CCSER1: variants seen among roughly 807,000 people sequenced by gnomAD.
The protein encoded by CCSER1 is coiled-coil serine rich protein 1.
CCSER1 carries 41 observed loss-of-function variants against 82.0 expected under a neutral mutation model. The observed-to-expected ratio is 0.50, with a 90% CI of 0.39 to 0.65. CCSER1 has a LOEUF of 0.65. CCSER1 is among the 30% of genes least tolerant of loss of function. The probability of loss-of-function intolerance (pLI) is 0.00; values close to 1 mark genes in which losing one functional copy is unlikely to be tolerated. For missense variants in CCSER1, 1,119 were observed against 1,064.2 expected, an observed-to-expected ratio of 1.05 and a Z score of -0.72; for synonymous variants, 414 against 383.9, an observed-to-expected ratio of 1.08 and a Z score of -0.92.
chr4:91,112,148 A>G (rs1399948109), intron 10 of CCSER1, among the ~76,000 whole-genome samples: 5 of 152,206 alleles, frequency 3.3e-5, no homozygotes, highest in Non-Finnish European at 7.4e-5. Context: ...TTCCAAAGCC[A>G]TGTTTGTGGT....
At chr4:91,379,088 C>T (rs1467522761) in intron 10 of CCSER1, among the ~76,000 whole-genome samples, 1 of 152,108 alleles carries the variant, frequency 6.6e-6, no homozygotes, top group East Asian at 1.9e-4. Context: ...GCCTTGCATC[C>T]CAGGGATGAA....
intron 10 of CCSER1, among the ~76,000 whole-genome samples, chr4:91,285,372 T>A (rs1246855366): frequency 6.6e-6 from 1 of 151,712 alleles, no homozygotes; most frequent in East Asian, 1.9e-4. Flanking sequence ...ACTAGAGATT[T>A]GGGGAACTGT....
At chr4:91,494,786 T>C (rs1014348054) in intron 10 of CCSER1, among the ~76,000 whole-genome samples, 1 of 151,810 alleles carries the variant, frequency 6.6e-6, no homozygotes, top group African/African-American at 2.4e-5. Context: ...CTAATCTTTA[T>C]AAAAACAGAT....
At chr4:90,476,021 C>G (rs532543600) in intron 5 of CCSER1, among the ~76,000 whole-genome samples, 70 of 148,494 alleles carry the variant, frequency 4.7e-4, no homozygotes, top group African/African-American at 1.5e-3. Flanking sequence ...CTTCTTTTCT[C>G]GTGTGTGTGT....
chr4:90,450,461 C>A (rs529640311), intron 4 of CCSER1, among the ~76,000 whole-genome samples: 1 of 152,086 alleles, frequency 6.6e-6, no homozygotes. Flanking sequence ...GACAAAGATG[C>A]CTTATGGTGA....
intron 1 of CCSER1, among the ~76,000 whole-genome samples, chr4:90,157,918 G>A (rs537699565): frequency 5.9e-5 from 9 of 152,328 alleles, no homozygotes; most frequent in Non-Finnish European, 1.2e-4. Flanking sequence ...TGCTGGTGAG[G>A]AACTATGTTC....
At chr4:90,438,493 A>C (rs1759372389) in intron 4 of CCSER1, among the ~76,000 whole-genome samples, 3 of 152,186 alleles carry the variant, frequency 2.0e-5, no homozygotes, top group Non-Finnish European at 2.9e-5. Flanking sequence ...GATTTACCAA[A>C]AAAACAAAAC....
At chr4:90,567,710 G>T (rs1779577588) in intron 5 of CCSER1, among the ~76,000 whole-genome samples, 1 of 150,862 alleles carries the variant, frequency 6.6e-6, no homozygotes, top group South Asian at 2.1e-4. Flanking sequence ...GGGCATAGGT[G>T]ATCCTCCCAC....
intron 10 of CCSER1, among the ~76,000 whole-genome samples, chr4:91,504,796 A>G (rs935821321): frequency 4.6e-5 from 7 of 152,192 alleles, no homozygotes; most frequent in African/African-American, 1.4e-4. Flanking sequence ...TAAAATGCTA[A>G]CAGTCAAAAT....
chr4:91,551,167 T>C (rs1303103426), intron 10 of CCSER1, among the ~76,000 whole-genome samples: 1 of 152,092 alleles, frequency 6.6e-6, no homozygotes, highest in Non-Finnish European at 1.5e-5. Context: ...ATGTATATAT[T>C]TGAGGTAAAA....
Position 91,602,591 on chromosome 4 carries a change from A to ACTT in CCSER1, c.*3535_*3537dup, listed in dbSNP as rs1267511811. 6.6e-6 allele frequency among the ~76,000 whole-genome samples: 1 copy of ACTT among 152,048 alleles called. No individual in the cohort carries two copies. The highest frequency in any genetic ancestry group is 1.5e-5 in the Non-Finnish European group (1 of 67,940). On this transcript the variant is annotated 3_prime_UTR_variant, in exon 11 of 11. Coordinates refer to ENST00000509176, the MANE Select transcript of CCSER1 (RefSeq NM_001145065.2). ...CCCATAGCAGTGGATAATTTGGAAT[A>ACTT]CTTAGCATAATCTCATAATTATAAT...
chr4:90,594,120 T>G (rs1783023015), intron 5 of CCSER1, among the ~76,000 whole-genome samples: 1 of 151,930 alleles, frequency 6.6e-6, no homozygotes, highest in Non-Finnish European at 1.5e-5. Flanking sequence ...CAAATTCACC[T>G]AGGATTCTTT....
At chr4:90,494,793 C>T (rs1027042649) in intron 5 of CCSER1, among the ~76,000 whole-genome samples, 7 of 152,076 alleles carry the variant, frequency 4.6e-5, no homozygotes, top group Admixed American at 4.6e-4. Flanking sequence ...ACCTATGGTC[C>T]TAAGTCCAAC....
At chr4:91,061,806 T>C (rs9993986) in intron 9 of CCSER1, among the ~76,000 whole-genome samples, 3,562 of 152,216 alleles carry the variant, frequency 0.023, 118 homozygotes, top group African/African-American at 0.078. Context: ...TTGCCTATTT[T>C]GTTCCTCAAT....
At chr4:90,485,049 T>C (rs1313393479) in intron 5 of CCSER1, among the ~76,000 whole-genome samples, 1 of 152,210 alleles carries the variant, frequency 6.6e-6, no homozygotes, top group Non-Finnish European at 1.5e-5. Flanking sequence ...AGCCACTTTG[T>C]TTACCTGCTC....
chr4:90,943,430 G>C (rs1731828227), intron 9 of CCSER1, among the ~76,000 whole-genome samples: 1 of 152,104 alleles, frequency 6.6e-6, no homozygotes. Context: ...TTAAGAATAA[G>C]ATCCTGAAAA....
chr4:91,017,811 T>TTGTGTGTGTGTGTGTG (rs34719158), intron 9 of CCSER1, among the ~76,000 whole-genome samples: 4 of 143,910 alleles, frequency 2.8e-5, no homozygotes, highest in African/African-American at 1.0e-4. Context: ...GGTTTTTAAA[T>TTGTGTGTGTGTGTGTG]TGTGTGTGTG....
intron 9 of CCSER1, among the ~76,000 whole-genome samples, chr4:90,990,665 C>A (rs1736950868): frequency 1.3e-5 from 2 of 151,918 alleles, no homozygotes; most frequent in African/African-American, 4.8e-5. Flanking sequence ...ATCAGAATTT[C>A]TGACAGTAGA....
chr4:90,591,764 T>C (rs1782729698), intron 5 of CCSER1, among the ~76,000 whole-genome samples: 1 of 152,092 alleles, frequency 6.6e-6, no homozygotes, highest in Non-Finnish European at 1.5e-5. Context: ...ATTAACAATA[T>C]CAAAGACTTG....
Sources: allele counts gnomAD v4.1 joint callset (sites outside exome capture counted in the v4.1 genomes callset), GRCh38; gene constraint gnomAD v4.1.1; transcripts MANE v1.5; gene names NCBI Gene and HGNC (gene_info 2026-07-23, HGNC 2026-07-21).